The following RBM20 variants were observed in gnomAD, a reference collection of about 807,000 sequenced individuals.
The protein encoded by RBM20 is RNA-binding protein 20.
Under a neutral mutation model 110.1 loss-of-function variants are expected in RBM20, and 51 were observed. The ratio of observed to expected loss-of-function variants is 0.46; its 90% CI spans 0.37 to 0.59. The LOEUF (loss-of-function observed/expected upper bound fraction) is 0.59. Among genes scored for constraint, RBM20 ranks in the 20% least tolerant of loss-of-function variants. The pLI is 0.00. For missense variants in RBM20, 1,512 were observed against 1,574.9 expected, an observed-to-expected ratio of 0.96 and a Z score of 0.68; for synonymous variants, 589 against 618.2, an observed-to-expected ratio of 0.95 and a Z score of 0.70.
intron 1 of RBM20, among the ~76,000 whole-genome samples, chr10:110,750,180 A>G (rs149909529): frequency 6.6e-6 from 1 of 152,374 alleles, no homozygotes; most frequent in East Asian, 1.9e-4. Context: ...GTGGGGACAC[A>G]AGGGCTTGTT....
At chr10:110,645,466 A>C (rs1391051613) in intron 1 of RBM20, among the ~76,000 whole-genome samples, 1 of 152,262 alleles carries the variant, frequency 6.6e-6, no homozygotes, top group African/African-American at 2.4e-5. Flanking sequence ...GAAGTCTTCA[A>C]AACTAGTTTA....
chr10:110,734,328 C>T (rs1279845506), intron 1 of RBM20, among the ~76,000 whole-genome samples: 1 of 152,278 alleles, frequency 6.6e-6, no homozygotes, highest in East Asian at 1.9e-4. Context: ...CATGGAAAAT[C>T]AGGTCCACAA....
chr10:110,812,598 G>C lies in RBM20; in HGVS notation c.2201G>C (p.Arg734Pro), dbSNP rs372923744. 6.4e-7 allele frequency: 1 copy of C among 1,551,690 alleles called. No individual in the cohort carries two copies. Residue 734 changes from arginine to proline, a missense_variant, in exon 9 of 14, where the codon CGG (arginine) becomes CCG (proline). Physicochemically the swap from Arg to Pro is moderately radical, Grantham distance 103. Coordinates refer to ENST00000369519, the MANE Select transcript of RBM20 (RefSeq NM_001134363.3). ...CGACCAGAAGGAGGGAGGCCCCACC[G>C]GGAGAAGTACCCGAGATCTGGGTCT... ...DERPEGGRPH[R>P]EKYPRSGSPN...
intron 1 of RBM20, among the ~76,000 whole-genome samples, chr10:110,744,335 C>T (rs978479668): frequency 2.0e-5 from 3 of 152,204 alleles, no homozygotes; most frequent in Non-Finnish European, 4.4e-5. Flanking sequence ...CCCTCAGAAT[C>T]TCCAGGGGAG....
chr10:110,781,795 G>A lies in RBM20; in HGVS notation c.1186G>A (p.Ala396Thr). Residue 396 changes from alanine (A) to threonine (T), a missense_variant, in exon 2 of 14, where the codon GCT becomes ACT. This residue lies in a region of RBM20 where 1,149 missense variants were observed against 1,169.4 expected (regional missense o/e 0.98). Coordinates refer to ENST00000369519, the MANE Select transcript of RBM20 (RefSeq NM_001134363.3). ...QALLSVRPLQ[A>T]HELNDFHGVA... The stretch of plus-strand genomic sequence containing the variant: ...GTTGCTATCTGTGCGGCCCCTGCAG[G>A]CTCATGAGCTGAACGACTTTCACGG... 1 of 1,551,780 alleles carries A rather than the reference G, an allele frequency of 6.4e-7. No individual in the cohort carries two copies. Among genetic ancestry groups the A allele is most frequent in the African/African-American group, 1.4e-5 (1 of 73,182 alleles).
rs528113773 is a variant in RBM20, at chr10:110,744,762, T to C, written c.192-36039T>C. ...AGAAATCTAAAGATATGTACACTTG[T>C]ACCAAGAAGACAAGGAAAGAAATCT... is the stretch of plus-strand genomic sequence containing the variant. On this transcript the variant is annotated intron_variant, in intron 1 of 13. Transcript: ENST00000369519. Among the ~76,000 whole-genome samples, 3 of 152,352 alleles carry C rather than the reference T, an allele frequency of 2.0e-5. No homozygotes were observed. In the South Asian group the frequency reaches 6.2e-4, roughly 32 times the overall value.
intron 12 of RBM20, among the ~76,000 whole-genome samples, chr10:110,825,746 C>T (rs1844973542): frequency 6.6e-6 from 1 of 152,196 alleles, no homozygotes; most frequent in Non-Finnish European, 1.5e-5. Flanking sequence ...ATTTTAATAG[C>T]TAAGCTTTTA....
In RBM20 at chr10:110,799,771, T is replaced by G. The variant is rs910759944; in HGVS notation, c.1669-16T>G. ...TTAAAGTCAAGTCCAGTGAGTGTCC[T>G]TCCTTTCTTTCTTAGGCCTTTTTAG... On this transcript the variant is annotated splice_polypyrimidine_tract_variant and intron_variant, in intron 6 of 13. Coordinates refer to ENST00000369519, the MANE Select transcript of RBM20 (RefSeq NM_001134363.3). The G allele has an allele frequency of 3.8e-5, 59 of 1,548,604 alleles. 1 individual carries two copies. The Admixed American group carries it at 1.1e-3, about 29-fold the overall frequency.
chr10:110,718,839 C>T (rs1363518235), intron 1 of RBM20, among the ~76,000 whole-genome samples: 1 of 151,976 alleles, frequency 6.6e-6, no homozygotes, highest in African/African-American at 2.4e-5. Flanking sequence ...TGGTCTTGAC[C>T]TCCTGACTTC....
chr10:110,747,643 G>T (rs1843798288), intron 1 of RBM20, among the ~76,000 whole-genome samples: 1 of 152,174 alleles, frequency 6.6e-6, no homozygotes, highest in African/African-American at 2.4e-5. Flanking sequence ...TAACACCCAG[G>T]GTTTGAGGTA....
At chr10:110,834,336 GT>G (rs1217252672) in intron 13 of RBM20, among the ~76,000 whole-genome samples, 1 of 152,120 alleles carries the variant, frequency 6.6e-6, no homozygotes, top group Non-Finnish European at 1.5e-5. Flanking sequence ...GGCTGCACCC[GT>G]TTCTGGAAGC....
At chr10:110,768,327 C>T (rs1270456141) in intron 1 of RBM20, among the ~76,000 whole-genome samples, 2 of 152,158 alleles carry the variant, frequency 1.3e-5, no homozygotes, top group Admixed American at 6.5e-5. Flanking sequence ...AAGTAATGCA[C>T]ATATAATATT....
intron 1 of RBM20, among the ~76,000 whole-genome samples, chr10:110,744,963 C>A (rs10885035): frequency 6.6e-6 from 1 of 151,956 alleles, no homozygotes; most frequent in African/African-American, 2.4e-5. Context: ...GAGCCAAGAG[C>A]GAGAGGTTAC....
intron 1 of RBM20, among the ~76,000 whole-genome samples, chr10:110,712,597 T>C (rs1224256542): frequency 6.6e-6 from 1 of 152,116 alleles, no homozygotes; most frequent in African/African-American, 2.4e-5. Flanking sequence ...TGAAACCCCA[T>C]CTCTACCAAA....
intron 1 of RBM20, among the ~76,000 whole-genome samples, chr10:110,725,312 G>GT (rs1193593426): frequency 6.6e-6 from 1 of 152,164 alleles, no homozygotes; most frequent in African/African-American, 2.4e-5. Flanking sequence ...CAATTTCATG[G>GT]TTTTTATGAA....
chr10:110,834,514 A>G (rs1721000190), intron 13 of RBM20, among the ~76,000 whole-genome samples: 1 of 152,122 alleles, frequency 6.6e-6, no homozygotes, highest in Non-Finnish European at 1.5e-5. Flanking sequence ...GCTTTCTCCA[A>G]CTCATATGGC....
At chr10:110,663,393 G>A (rs1426676440) in intron 1 of RBM20, among the ~76,000 whole-genome samples, 1 of 152,202 alleles carries the variant, frequency 6.6e-6, no homozygotes, top group African/African-American at 2.4e-5. Flanking sequence ...ATGATCTCCA[G>A]GGCGTACTAT....
In RBM20 at chr10:110,772,632, A is replaced by G. The variant is rs79547085; in HGVS notation, c.192-8169A>G. ...GGTATATCATATAGCCTAGGTGTGT[A>G]TGTACACTCTATGATGTTCGCATGA... On this transcript the variant is annotated intron_variant, in intron 1 of 13. Transcript: ENST00000369519. Among the ~76,000 whole-genome samples, 381 of 152,326 alleles carry G rather than the reference A, an allele frequency of 2.5e-3. 2 individuals are homozygous for G. The highest frequency in any genetic ancestry group is 8.3e-3 in the African/African-American group (347 of 41,564).
chr10:110,752,021 A>G lies in RBM20; in HGVS notation c.192-28780A>G, dbSNP rs1339965481. 4.6e-5 allele frequency among the ~76,000 whole-genome samples: 7 copies of G among 152,242 alleles called. No homozygotes were observed. The East Asian group carries it at 1.4e-3, about 29-fold the overall frequency. On this transcript the variant is annotated intron_variant, in intron 1 of 13. Transcript: ENST00000369519. Reference sequence around the variant, plus strand: ...CCACCAGACTGGTACTTTTGTTACAATTGATGACCCTACATTGACTCATCA... The same window carrying G: ...CCACCAGACTGGTACTTTTGTTACAGTTGATGACCCTACATTGACTCATCA...
Sources: allele counts gnomAD v4.1 joint callset (sites outside exome capture counted in the v4.1 genomes callset), GRCh38; gene constraint gnomAD v4.1.1; regional missense constraint gnomAD v4.1.1; transcripts MANE v1.5; gene names NCBI Gene and HGNC (gene_info 2026-07-23, HGNC 2026-07-21).